JPH3: variants seen among roughly 807,000 people sequenced by gnomAD.
JPH3 encodes junctophilin 3.
A neutral mutation model predicts 59.6 loss-of-function variants in JPH3; 11 were observed. That is an observed-to-expected ratio of 0.18 (90% CI 0.12 to 0.31). The LOEUF is 0.31. JPH3 is among the 10% of genes least tolerant of loss of function. The pLI is 1.00. For synonymous variants in JPH3, 673 were observed against 483.6 expected (o/e 1.39, Z -5.14); for missense variants, 1,202 against 1,105.7 (o/e 1.09, Z -1.24).
chr16:87,639,704 A>G (rs546489815), intron 1 of JPH3, among the ~76,000 whole-genome samples: 5 of 150,832 alleles, frequency 3.3e-5, no homozygotes, highest in South Asian at 2.1e-4. Context: ...CCTCCGTTCT[A>G]CTTTCTGTGT....
intron 1 of JPH3, among the ~76,000 whole-genome samples, chr16:87,643,016 A>G (rs1408217610): frequency 6.6e-6 from 1 of 152,108 alleles, no homozygotes; most frequent in African/African-American, 2.4e-5. Flanking sequence ...CCATCATCCT[A>G]CTGCAAAACT....
At position 87,644,503 on chromosome 16, in the gene JPH3, A is replaced by G; in HGVS notation, c.628A>G (p.Lys210Glu). The G allele has an allele frequency of 6.2e-7, 1 of 1,612,812 alleles. No homozygotes were observed. The highest frequency in any genetic ancestry group is 8.5e-7 in the Non-Finnish European group (1 of 1,179,790). ...AHSDSEILKS[K>E]KKGLFRRSLL... ...CAGTGACTCCGAGATCCTCAAGAGC[A>G]AGAAGAAGGGGCTGTTTCGGCGCTC... The change falls in exon 2 of 5, where the codon AAG (lysine) becomes GAG (glutamate). Residue 210 changes from lysine (K) to glutamate (E), a missense_variant. Lys to Glu is a moderately conservative substitution (Grantham distance 56, BLOSUM62 1). Transcript: ENST00000284262.
rs1245903885 is a variant in JPH3 at position 87,602,972 on chromosome 16, A to G, written c.-175A>G. On this transcript the variant is annotated 5_prime_UTR_variant, in exon 1 of 5. Coordinates refer to ENST00000284262, the MANE Select transcript of JPH3 (RefSeq NM_020655.4). ...GAATAATCGCCCCCGATTGACTGAA[A>G]TTCCTCCGGAGCCGGCGCCGCGGCC... is the stretch of plus-strand genomic sequence containing the variant. 4.7e-6 allele frequency: 3 copies of G among 635,828 alleles called. No individual in the cohort carries two copies. The highest frequency in any genetic ancestry group is 6.1e-5 in the East Asian group (2 of 32,720). The allele number at this position is 635,828 out of a possible 1,614,324, so 39.4% of individuals were successfully genotyped here.
intron 4 of JPH3, among the ~76,000 whole-genome samples, chr16:87,691,247 A>G (rs2033565735): frequency 6.6e-6 from 1 of 151,060 alleles, no homozygotes; most frequent in Non-Finnish European, 1.5e-5. Context: ...CCTTGAAGGG[A>G]CCTTCACTCT....
intron 2 of JPH3, among the ~76,000 whole-genome samples, chr16:87,652,302 G>A (rs1457121317): frequency 2.6e-5 from 4 of 152,168 alleles, no homozygotes; most frequent in African/African-American, 9.7e-5. Context: ...TCAGCCTTCG[G>A]CACTCACCAC....
At position 87,689,717 on chromosome 16, in the gene JPH3, C is replaced by G. The variant is rs751638230; in HGVS notation, c.1357C>G (p.Leu453Val). ...DIEVLSTGTP[L>V]QQESPELYRK... is the part of the protein sequence containing the mutation. ...CGAGGTGCTGTCCACCGGGACACCC[C>G]TGCAGCAGGAGAGCCCCGAGCTGTA... Residue 453 changes from leucine (L) to valine (V), a missense_variant, in exon 4 of 5, where the codon CTG becomes GTG. Transcript: ENST00000284262. 2 of 1,612,548 alleles carry G rather than the reference C, an allele frequency of 1.2e-6. No individual in the cohort carries two copies. The highest frequency in any genetic ancestry group is 2.2e-5 in the East Asian group (1 of 44,862).
Position 87,690,069 on chromosome 16 carries a change from A to G in JPH3, c.1709A>G (p.Lys570Arg), listed in dbSNP as rs1279202403. The change falls in exon 4 of 5, where the codon AAG becomes AGG. Residue 570 changes from lysine (K) to arginine (R), a missense_variant. Physicochemically the swap from Lys to Arg is conservative, Grantham distance 26. Transcript: ENST00000284262. ...GGCCGCAAGCAGCCCGGGAACCCCA[A>G]GCCGCGGGAGCGGCGGACGGAGTCA... ...GSGRKQPGNP[K>R]PRERRTESPP... 6.3e-7 allele frequency: 1 copy of G among 1,579,948 alleles called. No individual in the cohort carries two copies.
In JPH3 at chr16:87,696,412, G is replaced by C. The variant is rs928716504; in HGVS notation, c.2167-168G>C. The C allele has an allele frequency of 5.0e-5, 31 of 622,434 alleles. No homozygotes were observed. The African/African-American group carries it at 5.7e-4, about 11-fold the overall frequency. 38.6% of individuals were successfully genotyped at this position (622,434 alleles called of 1,614,324 possible). On this transcript the variant is annotated intron_variant, in intron 4 of 4. Coordinates refer to ENST00000284262, the MANE Select transcript of JPH3 (RefSeq NM_020655.4). ...CTCTCCCGCGTCTGGACTTCACGGA[G>C]CTCAGGTTCTGGTGGGCCTTTGGTG...
At position 87,690,313 on chromosome 16, in the gene JPH3, G is replaced by C; in HGVS notation, c.1953G>C (p.Gly651=). 1 of 1,594,546 alleles carries C rather than the reference G, an allele frequency of 6.3e-7. No individual in the cohort carries two copies. The highest frequency in any genetic ancestry group is 8.5e-7 in the Non-Finnish European group (1 of 1,171,198). ...ACCGCCCCGAGGACCGGGGCTTCGG[G>C]GTGCAGAGACTGCGGTCCAAGGCCC... is the stretch of plus-strand genomic sequence containing the variant. ...DDHRPEDRGF[G]VQRLRSKAQN... is the part of the protein sequence containing the mutation. The change falls in exon 4 of 5, where the codon GGG becomes GGC. Residue 651 remains glycine (G), a synonymous_variant. Transcript: ENST00000284262.
At chr16:87,612,499 T>C (rs1000797621) in intron 1 of JPH3, among the ~76,000 whole-genome samples, 1 of 152,152 alleles carries the variant, frequency 6.6e-6, no homozygotes, top group African/African-American at 2.4e-5. Context: ...TCAGCGCAGG[T>C]TGAGGACCAC....
chr16:87,604,695 G>T, intron 1 of JPH3: 1 of 1,136,124 alleles, frequency 8.8e-7, no homozygotes, highest in East Asian at 6.2e-5. Context: ...CGGAACACCT[G>T]CTCCACGGCC....
intron 2 of JPH3, among the ~76,000 whole-genome samples, chr16:87,662,186 C>A (rs2032726194): frequency 6.6e-6 from 1 of 152,200 alleles, no homozygotes; most frequent in South Asian, 2.1e-4. Flanking sequence ...GGTCCCAGAG[C>A]CTGGGCTCTG....
intron 1 of JPH3, among the ~76,000 whole-genome samples, chr16:87,610,289 A>G (rs547586023): frequency 2.0e-5 from 3 of 152,344 alleles, no homozygotes; most frequent in African/African-American, 7.2e-5. Flanking sequence ...TACCAGCCAC[A>G]TTTCACGGGC....
At chr16:87,614,174 C>T (rs758145856) in intron 1 of JPH3, among the ~76,000 whole-genome samples, 3 of 152,130 alleles carry the variant, frequency 2.0e-5, no homozygotes, top group Non-Finnish European at 1.5e-5. Context: ...AGGATAAAAG[C>T]AGGTCCCTGC....
chr16:87,637,549 A>G (rs2031797381), intron 1 of JPH3, among the ~76,000 whole-genome samples: 1 of 152,128 alleles, frequency 6.6e-6, no homozygotes, highest in Non-Finnish European at 1.5e-5. Flanking sequence ...CATGGGACCC[A>G]GTCACGTGCT....
chr16:87,632,544 C>T (rs1176532403), intron 1 of JPH3, among the ~76,000 whole-genome samples: 1 of 152,140 alleles, frequency 6.6e-6, no homozygotes, highest in African/African-American at 2.4e-5. Flanking sequence ...GGCTCCAGCC[C>T]CTCCTGGGCT....
chr16:87,623,434 G>A (rs946055527), intron 1 of JPH3, among the ~76,000 whole-genome samples: 2 of 152,220 alleles, frequency 1.3e-5, no homozygotes, highest in East Asian at 1.9e-4. Context: ...GTTTGCTCCC[G>A]CTGTGTGGGG....
At chr16:87,607,506 A>G (rs1382924813) in intron 1 of JPH3, among the ~76,000 whole-genome samples, 2 of 152,218 alleles carry the variant, frequency 1.3e-5, no homozygotes, top group Non-Finnish European at 2.9e-5. Flanking sequence ...CGTCCCCCAG[A>G]ACGCAGCCAC....
intron 1 of JPH3, among the ~76,000 whole-genome samples, chr16:87,622,721 T>C (rs2031233110): frequency 6.8e-6 from 1 of 146,250 alleles, no homozygotes; most frequent in African/African-American, 2.5e-5. Flanking sequence ...GGTCAGGGTC[T>C]CCTCCTGATA....
Sources: allele counts gnomAD v4.1 joint callset (sites outside exome capture counted in the v4.1 genomes callset), GRCh38; gene constraint gnomAD v4.1.1; transcripts MANE v1.5; gene names NCBI Gene and HGNC (gene_info 2026-07-23, HGNC 2026-07-21).